Variants in COX6C observed in about 807,000 individuals in gnomAD.
The protein encoded by COX6C is cytochrome c oxidase polypeptide VIc.
A neutral mutation model predicts 6.9 loss-of-function variants in COX6C; 3 were observed. The ratio of observed to expected loss-of-function variants is 0.43; its 90% CI spans 0.20 to 1.12. COX6C has a LOEUF of 1.12. COX6C is among the 50% of genes most tolerant of loss of function. The pLI is 0.27. For missense variants in COX6C, 101 were observed against 97.3 expected (o/e 1.04, Z -0.16); for synonymous variants, 32 against 32.0 (o/e 1.00, Z 0.00).
intron 3 of COX6C, among the ~76,000 whole-genome samples, chr8:99,882,468 C>G (rs995115626): frequency 5.3e-5 from 8 of 152,048 alleles, no homozygotes; most frequent in African/African-American, 1.7e-4. Flanking sequence ...AGACTCTTAA[C>G]AATCAATAAA....
At chr8:99,882,076 T>C (rs1038725088) in intron 3 of COX6C, among the ~76,000 whole-genome samples, 1 of 151,946 alleles carries the variant, frequency 6.6e-6, no homozygotes, top group African/African-American at 2.4e-5. Context: ...ACATCAGAGC[T>C]CTAAATATAT....
chr8:99,886,416 G>A (rs113681940), intron 3 of COX6C: 1 of 152,092 alleles, frequency 6.6e-6, no homozygotes, highest in Non-Finnish European at 1.5e-5. Flanking sequence ...TGTTGGGGAG[G>A]ATGGAAAGAG....
intron 1 of COX6C, among the ~76,000 whole-genome samples, chr8:99,892,474 G>C (rs1818069710): frequency 6.6e-6 from 1 of 152,146 alleles, no homozygotes; most frequent in African/African-American, 2.4e-5. Flanking sequence ...TCAGGTCTCT[G>C]CGTCCTGCAT....
intron 3 of COX6C, among the ~76,000 whole-genome samples, chr8:99,880,257 A>G (rs1450785834): frequency 6.6e-6 from 1 of 152,204 alleles, no homozygotes. Flanking sequence ...GGACGATTGA[A>G]AGAAAGAAAT....
At chr8:99,878,811 A>G (rs1817799425) in intron 3 of COX6C, 1 of 152,206 alleles carries the variant, frequency 6.6e-6, no homozygotes, top group African/African-American at 2.4e-5. Flanking sequence ...ATAAACAACC[A>G]TTAATATTTT....
At chr8:99,886,603 G>GCAAC (rs147438677) in intron 3 of COX6C, among the ~76,000 whole-genome samples, 2,727 of 152,288 alleles carry the variant, frequency 0.018, 95 homozygotes, top group African/African-American at 0.062. Flanking sequence ...AAAAGTGGAA[G>GCAAC]CAACCCAAGC....
At chr8:99,887,417 G>C in intron 3 of COX6C, 73 bp downstream of exon 3, 1 of 767,778 alleles carries the variant, frequency 1.3e-6, no homozygotes, top group Admixed American at 3.4e-5. Flanking sequence ...ACATTGTGAG[G>C]GACAGTCACC....
chr8:99,888,500 G>A (rs960398190), intron 2 of COX6C, among the ~76,000 whole-genome samples: 1 of 152,140 alleles, frequency 6.6e-6, no homozygotes, highest in African/African-American at 2.4e-5. Flanking sequence ...GAACCTGGGA[G>A]GCCTCGGAGG....
At chr8:99,890,308 T>C (rs1358406242) in intron 2 of COX6C, among the ~76,000 whole-genome samples, 1 of 152,030 alleles carries the variant, frequency 6.6e-6, no homozygotes, top group Non-Finnish European at 1.5e-5. Context: ...CTCTATCAAA[T>C]AGCTATGACC....
chr8:99,889,915 C>T (rs529843464), intron 2 of COX6C, among the ~76,000 whole-genome samples: 2 of 151,596 alleles, frequency 1.3e-5, no homozygotes, highest in Non-Finnish European at 2.9e-5. Flanking sequence ...CACGGTGAAA[C>T]CCCGTCTCTA....
At chr8:99,884,706 G>A (rs560962639) in intron 3 of COX6C, among the ~76,000 whole-genome samples, 3 of 152,052 alleles carry the variant, frequency 2.0e-5, no homozygotes, top group South Asian at 2.1e-4. Context: ...AACTATGGAT[G>A]GTACCAAACC....
intron 1 of COX6C, 30 bp from the exon 2 acceptor site, chr8:99,892,082 A>C: frequency 1.5e-6 from 2 of 1,348,020 alleles, no homozygotes; most frequent in Non-Finnish European, 2.1e-6. Flanking sequence ...ATGATTAAGT[A>C]CAGAGTTTAT....
chr8:99,878,314 TACTC>T (rs1345157003), intron 3 of COX6C, 49 bp from the exon 4 acceptor site: 1 of 151,984 alleles, frequency 6.6e-6, no homozygotes, highest in Non-Finnish European at 1.5e-5. Context: ...ACTCTCTCAA[TACTC>T]ACCATCTTTG....
chr8:99,892,087 GT>G, intron 1 of COX6C, 35 bp from the exon 2 acceptor site: 1 of 1,292,158 alleles, frequency 7.7e-7, no homozygotes, highest in South Asian at 1.4e-5. Flanking sequence ...TAAGTACAGA[GT>G]TTATTTAAGC....
chr8:99,880,671 A>G (rs544332579), intron 3 of COX6C, among the ~76,000 whole-genome samples: 4 of 152,190 alleles, frequency 2.6e-5, no homozygotes, highest in African/African-American at 9.6e-5. Flanking sequence ...GTTCAAGACC[A>G]GCCCAGGCAA....
intron 3 of COX6C, among the ~76,000 whole-genome samples, chr8:99,882,460 A>G (rs865858290): frequency 6.6e-6 from 1 of 152,224 alleles, no homozygotes; most frequent in African/African-American, 2.4e-5. Context: ...AATTAAACAG[A>G]CTCTTAACAA....
chr8:99,890,025 C>T (rs1818010381), intron 2 of COX6C, among the ~76,000 whole-genome samples: 1 of 151,448 alleles, frequency 6.6e-6, no homozygotes, highest in South Asian at 2.1e-4. Flanking sequence ...ACCCGGGAGG[C>T]GGAGCTTGCA....
chr8:99,890,274 C>T (rs1818015061), intron 2 of COX6C, among the ~76,000 whole-genome samples: 1 of 152,082 alleles, frequency 6.6e-6, no homozygotes, highest in East Asian at 1.9e-4. Context: ...CTCTCCCTAA[C>T]TTGCAAGGCT....
rs1818061579 is a variant in COX6C at position 99,892,026 on chromosome 8, G to A, written c.-5C>T. Reference sequence around the variant, plus strand: ...TGGCAAAACTTCGGGAGCCATGGTAGTTACTGTCCTTGATACGTATGCTAA... The same window carrying A: ...TGGCAAAACTTCGGGAGCCATGGTAATTACTGTCCTTGATACGTATGCTAA... On this transcript the variant is annotated 5_prime_UTR_variant, in exon 2 of 4. Coordinates refer to ENST00000520468, the MANE Select transcript of COX6C (RefSeq NM_004374.4). The A allele has an allele frequency of 6.2e-7, 1 of 1,607,132 alleles. No homozygotes were observed. Among genetic ancestry groups the A allele is most frequent in the Admixed American group, 1.7e-5 (1 of 59,014 alleles).
Sources: gnomAD v4.1 joint callset for allele counts (sites outside exome capture counted in the v4.1 genomes callset) on GRCh38, gnomAD v4.1.1 for gene constraint, MANE v1.5 for transcripts, NCBI Gene and HGNC (gene_info 2026-07-23, HGNC 2026-07-21) for gene names.